Variants in NFIB observed in about 807,000 individuals in gnomAD.
The protein encoded by NFIB is nuclear factor I B.
In NFIB, 11 loss-of-function variants were observed where a neutral mutation model predicts 61.5. The ratio of observed to expected loss-of-function variants is 0.18; its 90% CI spans 0.11 to 0.30. The LOEUF (loss-of-function observed/expected upper bound fraction) is 0.30. Among genes scored for constraint, NFIB ranks in the 10% least tolerant of loss-of-function variants. The pLI is 1.00. For synonymous variants in NFIB, 260 were observed against 216.5 expected (o/e 1.20, Z -1.76); for missense variants, 471 against 608.9 (o/e 0.77, Z 2.38).
chr9:14,487,667 G>C, the NFIB span, among the ~76,000 whole-genome samples: 1 of 152,116 alleles, frequency 6.6e-6, no homozygotes, highest in African/African-American at 2.4e-5. Flanking sequence ...TGATTAAAAA[G>C]GAAACTAGAT....
At chr9:14,338,557 G>A (rs1293617224) in intron 1 of NFIB, among the ~76,000 whole-genome samples, 1 of 152,164 alleles carries the variant, frequency 6.6e-6, no homozygotes, top group African/African-American at 2.4e-5. Flanking sequence ...TTTATCTACA[G>A]AAGTGAAGGC....
chr9:14,407,151 A>T, the NFIB span, among the ~76,000 whole-genome samples: 21 of 152,320 alleles, frequency 1.4e-4, 2 homozygotes, highest in South Asian at 4.1e-3. Flanking sequence ...CTCGCAACTA[A>T]AAAACCTTCC....
chr9:14,127,241 G>C (rs1006676359), intron 6 of NFIB, among the ~76,000 whole-genome samples: 1 of 152,194 alleles, frequency 6.6e-6, no homozygotes, highest in African/African-American at 2.4e-5. Flanking sequence ...GGAGTTGAGA[G>C]ATATGCCTTG....
At chr9:14,305,946 T>C in intron 2 of NFIB, 1 of 1,321,928 alleles carries the variant, frequency 7.6e-7, no homozygotes, top group South Asian at 2.1e-5. Flanking sequence ...AAATGATTGT[T>C]TTACTATGGA....
chr9:14,347,463 G>A (rs1258868176), intron 1 of NFIB: 1 of 152,478 alleles, frequency 6.6e-6, no homozygotes, highest in Non-Finnish European at 1.5e-5. Flanking sequence ...GCAAACTTGA[G>A]CTGGCAAAGC....
chr9:14,492,751 G>C, the NFIB span, among the ~76,000 whole-genome samples: 7 of 152,136 alleles, frequency 4.6e-5, no homozygotes, highest in East Asian at 1.4e-3. Flanking sequence ...AACTGAACAT[G>C]AGATTTGGGT....
intron 1 of NFIB, among the ~76,000 whole-genome samples, chr9:14,383,288 G>A (rs17708932): frequency 0.052 from 7,867 of 152,196 alleles, 225 homozygotes; most frequent in Middle Eastern, 0.095. Context: ...CCTTGTTTGA[G>A]GGCCCAGATA....
intron 10 of NFIB, among the ~76,000 whole-genome samples, chr9:14,101,758 A>G (rs1416140572): frequency 1.3e-5 from 2 of 152,250 alleles, no homozygotes; most frequent in Non-Finnish European, 1.5e-5. Context: ...ACAGTATCAG[A>G]ACTGGTTTTG....
At chr9:14,505,836 G>A in the NFIB span, among the ~76,000 whole-genome samples, 1 of 152,114 alleles carries the variant, frequency 6.6e-6, no homozygotes, top group African/African-American at 2.4e-5. Flanking sequence ...AGAAATACCT[G>A]AGCAAGAAAC....
chr9:14,445,480 G>T, the NFIB span, among the ~76,000 whole-genome samples: 1 of 152,086 alleles, frequency 6.6e-6, no homozygotes, highest in African/African-American at 2.4e-5. Context: ...CCTATTGCCA[G>T]TTGGCATAAG....
At chr9:14,409,152 G>A in the NFIB span, among the ~76,000 whole-genome samples, 1 of 152,122 alleles carries the variant, frequency 6.6e-6, no homozygotes, top group Non-Finnish European at 1.5e-5. Context: ...AAATAACCTC[G>A]AGAACATGAA....
chr9:14,281,090 A>G (rs1250107435), intron 2 of NFIB, among the ~76,000 whole-genome samples: 1 of 152,204 alleles, frequency 6.6e-6, no homozygotes, highest in Non-Finnish European at 1.5e-5. Context: ...GAGAGCAGCA[A>G]AAATAAAAAC....
At chr9:14,250,948 G>C (rs1272213805) in intron 2 of NFIB, among the ~76,000 whole-genome samples, 4 of 152,020 alleles carry the variant, frequency 2.6e-5, no homozygotes, top group Admixed American at 2.6e-4. Flanking sequence ...GAAATCCATG[G>C]GTATGTGTCA....
intron 2 of NFIB, among the ~76,000 whole-genome samples, chr9:14,257,296 C>A (rs2056311207): frequency 6.6e-6 from 1 of 152,210 alleles, no homozygotes. Flanking sequence ...TGCCTTATTA[C>A]AGCTACTGCA....
chr9:14,168,937 T>C (rs1273166010), intron 3 of NFIB, among the ~76,000 whole-genome samples: 1 of 152,204 alleles, frequency 6.6e-6, no homozygotes, highest in South Asian at 2.1e-4. Flanking sequence ...ACATTATTCA[T>C]GTGGGCTATT....
chr9:14,156,036 C>G, intron 3 of NFIB, 143 bp from the exon 4 acceptor site: 1 of 480,526 alleles, frequency 2.1e-6, no homozygotes, highest in Non-Finnish European at 3.7e-6. Context: ...AAAAATGACT[C>G]TTAGGAATGC....
At chr9:14,333,170 C>T (rs2060842301) in intron 1 of NFIB, among the ~76,000 whole-genome samples, 1 of 152,208 alleles carries the variant, frequency 6.6e-6, no homozygotes, top group African/African-American at 2.4e-5. Context: ...CTGGCTTATG[C>T]TCACTTTCAC....
At chr9:14,328,428 C>T (rs935025535) in intron 1 of NFIB, among the ~76,000 whole-genome samples, 6 of 152,030 alleles carry the variant, frequency 3.9e-5, no homozygotes, top group South Asian at 2.1e-4. Context: ...TTATTATAGG[C>T]GTGAGCCATG....
chr9:14,508,178 T>G, the NFIB span, among the ~76,000 whole-genome samples: 1 of 151,924 alleles, frequency 6.6e-6, no homozygotes, highest in Non-Finnish European at 1.5e-5. Flanking sequence ...ATCACTGCTT[T>G]TCTACATAAA....
Sources: allele counts gnomAD v4.1 joint callset (sites outside exome capture counted in the v4.1 genomes callset), GRCh38; gene constraint gnomAD v4.1.1; transcripts MANE v1.5; gene names NCBI Gene and HGNC (gene_info 2026-07-23, HGNC 2026-07-21).